Variants in CHLSN observed in about 807,000 individuals in gnomAD.
The protein encoded by CHLSN is protein cholesin.
At chr7:1,135,906 T>A in the CHLSN span, among the ~76,000 whole-genome samples, 1 of 125,572 alleles carries the variant, frequency 8.0e-6, no homozygotes, top group South Asian at 2.2e-4. Flanking sequence ...TAAGTATATA[T>A]AAAAATATAT....
At chr7:1,005,147 C>T in the CHLSN span, among the ~76,000 whole-genome samples, 9 of 152,142 alleles carry the variant, frequency 5.9e-5, no homozygotes, top group South Asian at 2.1e-4. Context: ...AAAAATTAGC[C>T]GGGCGTGGTG....
chr7:1,016,662 C>G, the CHLSN span, among the ~76,000 whole-genome samples: 5,977 of 56,844 alleles, frequency 0.11, 753 homozygotes, highest in African/African-American at 0.2. Context: ...CACACAGCAG[C>G]GCACAGCAGC....
At chr7:1,007,732 G>T in the CHLSN span, among the ~76,000 whole-genome samples, 1 of 152,148 alleles carries the variant, frequency 6.6e-6, no homozygotes. Context: ...CAGTGCCTCC[G>T]CACAGGACTT....
At chr7:1,136,465 CATATATAAAT>C in the CHLSN span, among the ~76,000 whole-genome samples, 5 of 67,788 alleles carry the variant, frequency 7.4e-5, no homozygotes, top group South Asian at 4.0e-4. Flanking sequence ...CATATATAAA[CATATATAAAT>C]ATATAAACAT....
chr7:1,061,131 A>G, the CHLSN span, among the ~76,000 whole-genome samples: 2 of 152,144 alleles, frequency 1.3e-5, no homozygotes, highest in African/African-American at 4.8e-5. Flanking sequence ...TATCCTCCCC[A>G]AAGGCAGGAG....
the CHLSN span, chr7:987,356 A>C: frequency 1.3e-6 from 2 of 1,581,678 alleles, no homozygotes; most frequent in Non-Finnish European, 1.7e-6. Context: ...GGCCGGGTGC[A>C]GGAGGAGCTA....
chr7:1,028,544 C>T, the CHLSN span: 4 of 984,980 alleles, frequency 4.1e-6, no homozygotes, highest in Non-Finnish European at 3.6e-6. Context: ...TCCGACGAGG[C>T]TCTCTGGCCG....
chr7:997,486 C>A, the CHLSN span: 3 of 696,290 alleles, frequency 4.3e-6, no homozygotes, highest in Non-Finnish European at 6.6e-6. Flanking sequence ...ATCCCGGCCC[C>A]CACCACCGGA....
At chr7:1,136,331 A>AAT in the CHLSN span, among the ~76,000 whole-genome samples, 108 of 102,990 alleles carry the variant, frequency 1.0e-3, no homozygotes, top group African/African-American at 1.6e-3. Context: ...TAAATATATA[A>AAT]ATATATAAAC....
chr7:1,023,654 CA>C, the CHLSN span, among the ~76,000 whole-genome samples: 15,754 of 149,738 alleles, frequency 0.11, 1,109 homozygotes, highest in Middle Eastern at 0.2. This position sits in a 1 kb window ranked among gnomAD's most constrained non-coding sequence, Gnocchi z 5.0. Context: ...CACACACACA[CA>C]CACACACACA....
the CHLSN span, among the ~76,000 whole-genome samples, chr7:1,037,551 A>G: frequency 6.0e-4 from 87 of 145,746 alleles, 9 homozygotes; most frequent in Non-Finnish European, 9.9e-4. Context: ...TCAGTGCTCA[A>G]TGGTGCCCAG....
At chr7:1,059,340 TG>T in the CHLSN span, 2 of 154,586 alleles carry the variant, frequency 1.3e-5, no homozygotes, top group Non-Finnish European at 2.9e-5. Flanking sequence ...ACACGGGGTC[TG>T]GTGGGAGGGC....
At chr7:1,122,656 A>G in the CHLSN span, among the ~76,000 whole-genome samples, 455 of 151,528 alleles carry the variant, frequency 3.0e-3, no homozygotes, top group Middle Eastern at 0.02. Context: ...CTCCCGAAGG[A>G]CATGTGTCAT....
At chr7:1,023,652 CACACACACACACACA>C in the CHLSN span, among the ~76,000 whole-genome samples, 1 of 149,326 alleles carries the variant, frequency 6.7e-6, no homozygotes, top group African/African-American at 2.4e-5. The surrounding 1 kb of genome is among the most constrained non-coding windows in gnomAD (Gnocchi z 5.0). Context: ...CACACACACA[CACACACACACACACA>C]CACACACACA....
At chr7:988,732 C>T in the CHLSN span, 7 of 1,599,490 alleles carry the variant, frequency 4.4e-6, no homozygotes, top group East Asian at 6.7e-5. Context: ...CCCCGCCTGG[C>T]GTCAGTCCGG....
At chr7:997,728 T>C in the CHLSN span, 1 of 1,611,614 alleles carries the variant, frequency 6.2e-7, no homozygotes, top group Non-Finnish European at 8.5e-7. Context: ...TTCCGCCTTC[T>C]GCACCGTCAG....
At chr7:1,059,836 TAGTG>T in the CHLSN span, among the ~76,000 whole-genome samples, 1 of 28,182 alleles carries the variant, frequency 3.5e-5, no homozygotes, top group Non-Finnish European at 6.1e-5. Flanking sequence ...GGCGGGTCTG[TAGTG>T]AGGCGGGTCC....
At chr7:1,117,096 G>A in the CHLSN span, among the ~76,000 whole-genome samples, 24 of 115,486 alleles carry the variant, frequency 2.1e-4, no homozygotes, top group South Asian at 4.8e-3. Flanking sequence ...TCTACGGACC[G>A]GCTTCCATCA....
chr7:1,000,647 G>C, the CHLSN span: 1 of 981,298 alleles, frequency 1.0e-6, no homozygotes. Context: ...TCTTAGGAGA[G>C]GGAGCCCCAC....
Sources: gnomAD v4.1 joint callset for allele counts (sites outside exome capture counted in the v4.1 genomes callset) on GRCh38, gnomAD v4.1.1 for gene constraint, Gnocchi (gnomAD v3.1) non-coding constraint, MANE v1.5 for transcripts, NCBI Gene and HGNC (gene_info 2026-07-23, HGNC 2026-07-21) for gene names.